DMD: variants seen among roughly 807,000 people sequenced by gnomAD.
DMD encodes the protein mutant dystrophin.
In DMD, 63 loss-of-function variants were observed where a neutral mutation model predicts 330.1. The ratio of observed to expected loss-of-function variants is 0.19; its 90% confidence interval spans 0.16 to 0.24. The LOEUF (loss-of-function observed/expected upper bound fraction) is 0.24. DMD is among the 10% of genes least tolerant of loss of function. DMD has a pLI of 1.00. For synonymous variants in DMD, 1,223 were observed against 959.8 expected, an observed-to-expected ratio of 1.27 and a Z score of -5.07; for missense variants, 3,344 against 2,684.1, an observed-to-expected ratio of 1.25 and a Z score of -5.43.
At chrX:31,360,817 T>C (rs2058900212) in intron 60 of DMD, among the ~76,000 whole-genome samples, 1 of 112,371 alleles carries the variant, frequency 8.9e-6, no homozygotes, top group Non-Finnish European at 1.9e-5. Context: ...CCTCTTATCA[T>C]TCATTCTCAT....
chrX:32,354,515 T>A lies in DMD; in HGVS notation c.5326-5987A>T, dbSNP rs187688824. On this transcript the variant is annotated intron_variant, in intron 37 of 78. Transcript: ENST00000357033. ...ACAAATAAGTGTATTGGAAAGATACTACATCTATGCTAGAAGAAAGATTAT... is the reference window on the plus strand; with the variant it reads ...ACAAATAAGTGTATTGGAAAGATACAACATCTATGCTAGAAGAAAGATTAT... Among the ~76,000 whole-genome samples the A allele has an allele frequency of 7.2e-4, 80 of 111,727 alleles. 1 individual carries two copies. The East Asian group carries it at 0.015, about 20-fold the overall frequency.
intron 7 of DMD, among the ~76,000 whole-genome samples, chrX:32,807,244 A>T (rs2077032343): frequency 9.1e-6 from 1 of 109,473 alleles, no homozygotes; most frequent in Non-Finnish European, 1.9e-5. Context: ...AATCAAATAG[A>T]CACAATAAAA....
chrX:32,337,534 T>G (rs916900045), intron 41 of DMD, among the ~76,000 whole-genome samples: 11 of 110,496 alleles, frequency 1.0e-4, no homozygotes, highest in African/African-American at 3.0e-4. Flanking sequence ...TTTGCTGCTG[T>G]TCTTGGAAAG....
rs550544963 is a variant in DMD, at chrX:32,229,649, C to CATATAT, written c.6291-12592_6291-12587dup. ...CATACAAAAAGCTGTACATATTTTACATATATATATATATATCTCAAAGAG... is the reference window on the plus strand; with the variant it reads ...CATACAAAAAGCTGTACATATTTTACATATATATATATATATATATATCTCAAAGAG... On this transcript the variant is annotated intron_variant, in intron 43 of 78. Transcript: ENST00000357033. Among the ~76,000 whole-genome samples, 289 of 61,187 alleles carry CATATAT rather than the reference C, an allele frequency of 4.7e-3. 1 individual carries two copies. Among genetic ancestry groups the CATATAT allele is most frequent in the African/African-American group, 0.017 (277 of 16,271 alleles). 53.1% of individuals were successfully genotyped at this position (61,187 alleles called of 115,157 possible).
chrX:32,751,038 A>G (rs2070745170), intron 7 of DMD, among the ~76,000 whole-genome samples: 1 of 111,910 alleles, frequency 8.9e-6, no homozygotes, highest in South Asian at 3.7e-4. Context: ...CTCTAAGTCC[A>G]TTAAACTCTT....
chrX:32,089,183 A>G (rs763292004), intron 44 of DMD, among the ~76,000 whole-genome samples: 1 of 110,543 alleles, frequency 9.0e-6, no homozygotes, highest in South Asian at 3.9e-4. Flanking sequence ...ACCCCCCAAA[A>G]TGCTCTTGTG....
rs1049960604 is a variant in DMD, at chrX:32,500,949, G to T, written c.2380+806C>A. Among the ~76,000 whole-genome samples the T allele has an allele frequency of 7.1e-5, 8 of 111,947 alleles. No individual in the cohort carries two copies. In the South Asian group the frequency reaches 1.1e-3, roughly 15 times the overall value. On this transcript the variant is annotated intron_variant, in intron 19 of 78. Transcript: ENST00000357033. ...GACATGCACAACAAAAACATTTGTT[G>T]TATTTATTTATGATGTTCTTGTAAA...
intron 55 of DMD, among the ~76,000 whole-genome samples, chrX:31,571,373 C>T (rs1213380120): frequency 5.7e-5 from 6 of 105,370 alleles, no homozygotes; most frequent in Admixed American, 5.3e-4. Flanking sequence ...AATTGTCTGT[C>T]TGAGTCCTGA....
intron 30 of DMD, among the ~76,000 whole-genome samples, chrX:32,394,921 A>AAAAAAAAAACAAAAAAAAAAAAAAAAAAC (rs1557326847): frequency 1.6e-5 from 1 of 63,725 alleles, no homozygotes; most frequent in African/African-American, 5.5e-5. Context: ...AAAAACAAAA[A>AAAAAAAAAACAAAAAAAAAAAAAAAAAAC]AAAAAAAAAA....
chrX:32,818,266 G>A (rs931370574), intron 5 of DMD, among the ~76,000 whole-genome samples: 2 of 111,478 alleles, frequency 1.8e-5, no homozygotes, highest in East Asian at 5.6e-4. Flanking sequence ...AACGTTAAAG[G>A]ACAACAAAGT....
At position 31,496,747 on chromosome X, in the gene DMD, TG is replaced by T. The variant is rs1302268855; in HGVS notation, c.8547+40del. The T allele has an allele frequency of 2.5e-6, 3 of 1,195,284 alleles. No individual in the cohort carries two copies. In the East Asian group the frequency reaches 8.9e-5, roughly 35 times the overall value. On this transcript the variant is annotated intron_variant, in intron 57 of 78. Transcript: ENST00000357033. Reference sequence around the variant, plus strand: ...TTAAAATAGTCACTGGATTACTATGTGCTTAACATGTGCAAGGCACGAGGCT... The same window carrying T: ...TTAAAATAGTCACTGGATTACTATGTCTTAACATGTGCAAGGCACGAGGCT...
In DMD at chrX:32,797,114, T is replaced by C. The variant is rs190796209; in HGVS notation, c.649+12379A>G. On this transcript the variant is annotated intron_variant, in intron 7 of 78. Transcript: ENST00000357033. ...TTCATTTGCAGGTTCTGTGATGTCT[T>C]TTTTTGTTTGTTTTTGTGGGATGGG... 5.7e-3 allele frequency among the ~76,000 whole-genome samples: 635 copies of C among 111,668 alleles called. 1 individual carries two copies. The highest frequency in any genetic ancestry group is 0.028 in the Middle Eastern group (6 of 217).
At chrX:32,165,708 GAT>G (rs1256291143) in intron 44 of DMD, among the ~76,000 whole-genome samples, 1 of 111,603 alleles carries the variant, frequency 9.0e-6, no homozygotes, top group African/African-American at 3.3e-5. Flanking sequence ...GGAGCAAAAT[GAT>G]ATGTTTGGGC....
chrX:32,553,675 A>G (rs2049846672), intron 16 of DMD, among the ~76,000 whole-genome samples: 1 of 112,078 alleles, frequency 8.9e-6, no homozygotes, highest in Non-Finnish European at 1.9e-5. Context: ...GCAATTACGA[A>G]CTATTCAGCT....
chrX:31,465,683 T>C (rs887765265), intron 59 of DMD, among the ~76,000 whole-genome samples: 2 of 112,154 alleles, frequency 1.8e-5, no homozygotes, highest in Non-Finnish European at 3.8e-5. Flanking sequence ...CATGTGTCTT[T>C]ATAGTAGAAT....
At chrX:32,366,577 C>T (rs775461823) in intron 34 of DMD, among the ~76,000 whole-genome samples, 3 of 111,875 alleles carry the variant, frequency 2.7e-5, no homozygotes, top group Admixed American at 9.5e-5. Context: ...CATCTAATTT[C>T]TTAAGAAAAA....
intron 34 of DMD, among the ~76,000 whole-genome samples, chrX:32,376,415 T>C (rs1005268325): frequency 9.8e-5 from 11 of 112,030 alleles, no homozygotes; most frequent in Non-Finnish European, 1.9e-4. Context: ...ACAATGATGG[T>C]TGTCTCATTT....
At chrX:32,408,679 T>G (rs2098128867) in intron 30 of DMD, among the ~76,000 whole-genome samples, 1 of 111,853 alleles carries the variant, frequency 8.9e-6, no homozygotes, top group Non-Finnish European at 1.9e-5. Context: ...ACTTCATACA[T>G]TTTTTCCTGC....
intron 17 of DMD, among the ~76,000 whole-genome samples, chrX:32,533,982 C>G (rs2047714606): frequency 8.9e-6 from 1 of 112,033 alleles, no homozygotes; most frequent in African/African-American, 3.3e-5. Flanking sequence ...TAATGCCCCA[C>G]TGCCAGCATC....
Sources: gnomAD v4.1 joint callset for allele counts (sites outside exome capture counted in the v4.1 genomes callset) on GRCh38, gnomAD v4.1.1 for gene constraint, MANE v1.5 for transcripts, NCBI Gene and HGNC (gene_info 2026-07-23, HGNC 2026-07-21) for gene names.